The following RTN4RL1 variants were observed in gnomAD, a reference collection of about 807,000 sequenced individuals.
The protein encoded by RTN4RL1 is reticulon-4 receptor-like 1.
Under a neutral mutation model 25.6 loss-of-function variants are expected in RTN4RL1, and 7 were observed. The ratio of observed to expected loss-of-function variants is 0.27; its 90% CI spans 0.16 to 0.51. RTN4RL1 has a LOEUF of 0.51. RTN4RL1 is among the 20% of genes least tolerant of loss of function. The probability of loss-of-function intolerance (pLI) is 0.97; values close to 1 mark genes in which losing one functional copy is unlikely to be tolerated. For synonymous variants in RTN4RL1, 297 were observed against 288.2 expected, an observed-to-expected ratio of 1.03 and a Z score of -0.31; for missense variants, 500 against 615.6, an observed-to-expected ratio of 0.81 and a Z score of 1.99.
rs1239707359 is a variant in RTN4RL1, at chr17:1,934,984, G to A, written c.*1512C>T. On this transcript the variant is annotated 3_prime_UTR_variant, in exon 2 of 2. Coordinates refer to ENST00000331238, the MANE Select transcript of RTN4RL1 (RefSeq NM_178568.4). The surrounding 1 kb of genome is among the most constrained non-coding windows in gnomAD (Gnocchi z 4.0). ...GCCAGGTCTTCCGTGATGCAGAAGTGCCTGAGATGGTTCATGAAATGCCCT... is the reference window on the plus strand; with the variant it reads ...GCCAGGTCTTCCGTGATGCAGAAGTACCTGAGATGGTTCATGAAATGCCCT... 6.6e-6 allele frequency: 1 copy of A among 152,266 alleles called. No homozygotes were observed. The highest frequency in any genetic ancestry group is 1.5e-5 in the Non-Finnish European group (1 of 68,094). 9.4% of individuals were successfully genotyped at this position (152,266 alleles called of 1,614,324 possible). A position where few individuals can be genotyped will look rare whatever the true frequency, so the allele number is the denominator to read the frequency against.
chr17:1,990,595 G>A (rs1424115592), intron 1 of RTN4RL1, among the ~76,000 whole-genome samples: 1 of 151,774 alleles, frequency 6.6e-6, no homozygotes, highest in African/African-American at 2.4e-5. Context: ...CAGCTACTCG[G>A]GAGGCTGAGG....
chr17:1,944,782 C>T lies in RTN4RL1; in HGVS notation c.14-6974G>A, dbSNP rs564760610. ...AACTTCAAAATGTATTACGCAACTA[C>T]CCACTTCTCATGGCCACCACCCTAG... On this transcript the variant is annotated intron_variant, in intron 1 of 1. Transcript: ENST00000331238. Among the ~76,000 whole-genome samples the T allele has an allele frequency of 5.9e-5, 9 of 152,198 alleles. No individual in the cohort carries two copies. In the East Asian group the frequency reaches 1.5e-3, roughly 26 times the overall value.
chr17:1,960,009 T>G (rs1915864335), intron 1 of RTN4RL1, among the ~76,000 whole-genome samples: 1 of 151,064 alleles, frequency 6.6e-6, no homozygotes. Flanking sequence ...TGTCCTGTGT[T>G]CACCGTGTAG....
intron 1 of RTN4RL1, among the ~76,000 whole-genome samples, chr17:1,960,171 C>G (rs1915867207): frequency 6.6e-6 from 1 of 151,910 alleles, no homozygotes; most frequent in African/African-American, 2.4e-5. Context: ...ATCCCAAATT[C>G]ACATCACCCC....
chr17:1,950,505 A>G (rs534890617), intron 1 of RTN4RL1, among the ~76,000 whole-genome samples: 10 of 152,190 alleles, frequency 6.6e-5, no homozygotes, highest in Middle Eastern at 3.4e-3. Context: ...TGAAGCCCAG[A>G]GGTTGGCTGT....
chr17:2,008,709 C>T (rs55760453), intron 1 of RTN4RL1, among the ~76,000 whole-genome samples: 7,032 of 152,182 alleles, frequency 0.046, 204 homozygotes, highest in Non-Finnish European at 0.075. Context: ...GCCACCGATC[C>T]GTGGCACGAA....
At chr17:1,959,080 G>A (rs1915847045) in intron 1 of RTN4RL1, among the ~76,000 whole-genome samples, 1 of 152,216 alleles carries the variant, frequency 6.6e-6, no homozygotes, top group African/African-American at 2.4e-5. Flanking sequence ...GGCTCCCCCG[G>A]CCTCCACCTG....
intron 1 of RTN4RL1, among the ~76,000 whole-genome samples, chr17:1,992,193 T>C (rs2066912086): frequency 6.6e-6 from 1 of 151,460 alleles, no homozygotes; most frequent in Non-Finnish European, 1.5e-5. Context: ...TGAAACCCCA[T>C]CTCTACTAAA....
rs71723916 is a variant in RTN4RL1 at position 1,980,926 on chromosome 17, C to CAAAAAAAAAAAAAAA, written c.14-43133_14-43119dup. Among the ~76,000 whole-genome samples, 450 of 87,016 alleles carry CAAAAAAAAAAAAAAA rather than the reference C, an allele frequency of 5.2e-3. 17 individuals are homozygous for CAAAAAAAAAAAAAAA. Among genetic ancestry groups the CAAAAAAAAAAAAAAA allele is most frequent in the Non-Finnish European group, 5.7e-3 (265 of 46,452 alleles). The allele number at this position is 87,016 out of a possible 152,430, so 57.1% of individuals were successfully genotyped here. ...TGGGCCACAGAGTGAGATTCTATCTCAAAAAAAAAAAAAAAAAAAAGAAGT... is the reference window on the plus strand; with the variant it reads ...TGGGCCACAGAGTGAGATTCTATCTCAAAAAAAAAAAAAAAAAAAAAAAAAAAAAAAAAAAGAAGT... On this transcript the variant is annotated intron_variant, in intron 1 of 1. Transcript: ENST00000331238.
intron 1 of RTN4RL1, chr17:2,020,600 G>A (rs1370959727): frequency 6.6e-6 from 1 of 152,190 alleles, no homozygotes; most frequent in East Asian, 1.9e-4. Context: ...TGGGTTGCAG[G>A]CCTTAATCTA....
chr17:1,951,382 G>A (rs1210907127), intron 1 of RTN4RL1, among the ~76,000 whole-genome samples: 1 of 152,162 alleles, frequency 6.6e-6, no homozygotes, highest in Non-Finnish European at 1.5e-5. Context: ...AGAAGGAACC[G>A]CCAGTAAGGT....
At chr17:1,976,797 G>T (rs1017186375) in intron 1 of RTN4RL1, among the ~76,000 whole-genome samples, 1 of 152,202 alleles carries the variant, frequency 6.6e-6, no homozygotes, top group Non-Finnish European at 1.5e-5. Flanking sequence ...ACTAAAGCCC[G>T]GTCTTTGGGT....
intron 1 of RTN4RL1, among the ~76,000 whole-genome samples, chr17:1,954,437 G>C (rs1915747830): frequency 7.1e-6 from 1 of 140,600 alleles, no homozygotes; most frequent in African/African-American, 2.7e-5. Flanking sequence ...CACCCAGACT[G>C]GAGTGCAGTG....
Position 1,992,132 on chromosome 17 carries a change from C to T in RTN4RL1, c.13+32721G>A, listed in dbSNP as rs142291227. Reference sequence around the variant, plus strand: ...GTAATCCCAGCACTTTGGGAGGCCGCGGCGGGTGGATGACGAGGTCAGGAG... The same window carrying T: ...GTAATCCCAGCACTTTGGGAGGCCGTGGCGGGTGGATGACGAGGTCAGGAG... On this transcript the variant is annotated intron_variant, in intron 1 of 1. Transcript: ENST00000331238. Among the ~76,000 whole-genome samples the T allele has an allele frequency of 7.0e-3, 1,058 of 151,946 alleles. 12 individuals are homozygous for T. The highest frequency in any genetic ancestry group is 0.023 in the African/African-American group (957 of 41,462).
chr17:2,012,884 C>G (rs968215241), intron 1 of RTN4RL1, among the ~76,000 whole-genome samples: 6 of 151,944 alleles, frequency 3.9e-5, no homozygotes, highest in African/African-American at 1.5e-4. Flanking sequence ...ACTTCCACCT[C>G]CTGTGTTCAA....
intron 1 of RTN4RL1, among the ~76,000 whole-genome samples, chr17:1,972,045 G>A (rs1265776108): frequency 6.6e-6 from 1 of 151,780 alleles, no homozygotes; most frequent in Non-Finnish European, 1.5e-5. Flanking sequence ...GGGTGAGGTG[G>A]GAAGATCACT....
At chr17:1,973,020 A>ATC (rs2066827167) in intron 1 of RTN4RL1, among the ~76,000 whole-genome samples, 1 of 152,186 alleles carries the variant, frequency 6.6e-6, no homozygotes, top group Non-Finnish European at 1.5e-5. Context: ...TTCTCAGTGG[A>ATC]TACCATGTTG....
At chr17:1,959,141 C>T (rs1915848298) in intron 1 of RTN4RL1, among the ~76,000 whole-genome samples, 2 of 152,352 alleles carry the variant, frequency 1.3e-5, no homozygotes, top group African/African-American at 4.8e-5. Flanking sequence ...GGCCACTTCC[C>T]TTGATCCTAG....
intron 1 of RTN4RL1, among the ~76,000 whole-genome samples, chr17:1,976,343 G>A (rs1286626813): frequency 6.6e-6 from 1 of 152,226 alleles, no homozygotes; most frequent in Non-Finnish European, 1.5e-5. Context: ...GCCTGGTCTG[G>A]GTTCAAATAA....
Sources: gnomAD v4.1 joint callset for allele counts (sites outside exome capture counted in the v4.1 genomes callset) on GRCh38, gnomAD v4.1.1 for gene constraint, Gnocchi (gnomAD v3.1) non-coding constraint, MANE v1.5 for transcripts, NCBI Gene and HGNC (gene_info 2026-07-23, HGNC 2026-07-21) for gene names.